FNIP2: variants seen among roughly 807,000 people sequenced by gnomAD.
FNIP2 encodes the protein folliculin interacting protein 2.
In FNIP2, 32 loss-of-function variants were observed where a neutral mutation model predicts 108.7. The ratio of observed to expected loss-of-function variants is 0.29; its 90% CI spans 0.22 to 0.40. The LOEUF (loss-of-function observed/expected upper bound fraction) is 0.40. Among genes scored for constraint, FNIP2 ranks in the 10% least tolerant of loss-of-function variants. The probability of loss-of-function intolerance (pLI) is 1.00; values close to 1 mark genes in which losing one functional copy is unlikely to be tolerated. For missense variants in FNIP2, 1,202 were observed against 1,381.6 expected (o/e 0.87, Z 2.06); for synonymous variants, 480 against 496.7 (o/e 0.97, Z 0.45).
chr4:158,872,139 G>T (rs1253771422), intron 14 of FNIP2: 2 of 985,196 alleles, frequency 2.0e-6, no homozygotes, highest in Non-Finnish European at 2.4e-6. Flanking sequence ...TAATGGGATT[G>T]TCCTCAGTGA....
chr4:158,868,636 G>T lies in FNIP2; in HGVS notation c.2000G>T (p.Ser667Ile). The change falls in exon 13 of 17, where the codon AGC becomes ATC. Residue 667 changes from serine to isoleucine, a missense_variant. Ser to Ile is a moderately radical substitution (Grantham distance 142). Around this residue, in one of 5 missense-constraint regions of FNIP2, gnomAD observed 878 missense variants for 990.3 expected, o/e 0.89. Coordinates refer to ENST00000264433, the MANE Select transcript of FNIP2 (RefSeq NM_020840.3). This position sits in a 1 kb window ranked among gnomAD's most constrained non-coding sequence, Gnocchi z 4.6. ...CAAGATGGCTCTTCAAGACTTCCCA[G>T]CTGTGAAGTTTTGGGGGCAGGAATG... is the stretch of plus-strand genomic sequence containing the variant. ...APQDGSSRLP[S>I]CEVLGAGMKM... 6.2e-7 allele frequency: 1 copy of T among 1,614,032 alleles called. No homozygotes were observed. Among genetic ancestry groups the T allele is most frequent in the East Asian group, 2.2e-5 (1 of 44,880 alleles).
At chr4:158,827,950 C>A (rs1379683732) in intron 2 of FNIP2, among the ~76,000 whole-genome samples, 2 of 151,542 alleles carry the variant, frequency 1.3e-5, no homozygotes. Flanking sequence ...GCTGCAATTG[C>A]ATTCATGTTT....
chr4:158,855,725 C>T (rs778374239), intron 8 of FNIP2, among the ~76,000 whole-genome samples: 24 of 152,200 alleles, frequency 1.6e-4, no homozygotes, highest in Admixed American at 3.3e-4. Context: ...GGATTACAGG[C>T]GTGAGCCACT....
intron 7 of FNIP2, among the ~76,000 whole-genome samples, chr4:158,846,976 G>A (rs1779440601): frequency 1.3e-5 from 2 of 152,152 alleles, no homozygotes; most frequent in Admixed American, 6.5e-5. Context: ...CTGTGCACTT[G>A]GGGAGAAACT....
intron 2 of FNIP2, among the ~76,000 whole-genome samples, chr4:158,828,403 C>G (rs1289284065): frequency 6.6e-6 from 1 of 152,136 alleles, no homozygotes; most frequent in Non-Finnish European, 1.5e-5. Context: ...ATCACGAGGT[C>G]AAGAGATCAA....
chr4:158,769,125 T>C lies in FNIP2; in HGVS notation c.-88T>C, dbSNP rs1271099449. 2.2e-6 allele frequency: 1 copy of C among 451,236 alleles called. No individual in the cohort carries two copies. The highest frequency in any genetic ancestry group is 2.9e-6 in the Non-Finnish European group (1 of 344,540). The allele number at this position is 451,236 out of a possible 1,614,324, so 28.0% of individuals were successfully genotyped here. A position where few individuals can be genotyped will look rare whatever the true frequency, so the allele number is the denominator to read the frequency against. ...AGGCTGGGCGGCCGCGCCGCCGCGA[T>C]GGCCCCGCCACCGCGGCCGCCGCCC... On this transcript the variant is annotated 5_prime_UTR_variant, in exon 1 of 17. An upstream start codon of the reference 5' UTR is lost. Coordinates refer to ENST00000264433, the MANE Select transcript of FNIP2 (RefSeq NM_020840.3).
chr4:158,885,404 C>A (rs1431117163), intron 14 of FNIP2, among the ~76,000 whole-genome samples: 3 of 152,114 alleles, frequency 2.0e-5, no homozygotes, highest in Admixed American at 6.5e-5. Context: ...ACAGTTTTAA[C>A]TTAATGGTTT....
At chr4:158,791,724 G>A (rs958786204) in intron 1 of FNIP2, among the ~76,000 whole-genome samples, 1 of 152,108 alleles carries the variant, frequency 6.6e-6, no homozygotes, top group Non-Finnish European at 1.5e-5. Context: ...CTGCCCAGAC[G>A]GTCTGATAAG....
intron 1 of FNIP2, among the ~76,000 whole-genome samples, chr4:158,782,244 A>C (rs1776074825): frequency 6.6e-6 from 1 of 152,190 alleles, no homozygotes; most frequent in South Asian, 2.1e-4. Flanking sequence ...CCTAACTTAA[A>C]TTTTGGTGCT....
chr4:158,889,642 G>A (rs1209091677), intron 14 of FNIP2, among the ~76,000 whole-genome samples: 4 of 152,180 alleles, frequency 2.6e-5, no homozygotes, highest in East Asian at 3.8e-4. Context: ...ACAGGCATAC[G>A]TTCAACTCAT....
At chr4:158,876,582 T>C (rs1781294759) in intron 14 of FNIP2, among the ~76,000 whole-genome samples, 1 of 152,252 alleles carries the variant, frequency 6.6e-6, no homozygotes, top group African/African-American at 2.4e-5. Flanking sequence ...TCAAAATCAT[T>C]CCAGGCCCCA....
Position 158,905,759 on chromosome 4 carries a change from G to T in FNIP2, c.*1215G>T, listed in dbSNP as rs1729783641. ...AAAGAAACTTCAGTTTACTGACCGT[G>T]AAACAGACTATGTACTGACATCCAG... On this transcript the variant is annotated 3_prime_UTR_variant, in exon 17 of 17. Transcript: ENST00000264433. The T allele has an allele frequency of 6.6e-6, 1 of 150,816 alleles. No individual in the cohort carries two copies. Among genetic ancestry groups the T allele is most frequent in the South Asian group, 2.1e-4 (1 of 4,798 alleles). The allele number at this position is 150,816 out of a possible 1,614,324, so 9.3% of individuals were successfully genotyped here. A position where few individuals can be genotyped will look rare whatever the true frequency, so the allele number is the denominator to read the frequency against.
At position 158,833,589 on chromosome 4, in the gene FNIP2, C is replaced by A; in HGVS notation, c.616C>A (p.Gln206Lys). Residue 206 changes from glutamine to lysine, a missense_variant, in exon 6 of 17, where the codon CAA becomes AAA. Gln to Lys is a moderately conservative substitution (Grantham distance 53). Coordinates refer to ENST00000264433, the MANE Select transcript of FNIP2 (RefSeq NM_020840.3). ...DPNLGKLNTN[Q>K]NSLGPCRTGS... ...TAATTTGGGAAAACTGAACACAAAT[C>A]AAAATAGTTTGGGTCCTTGTCGTAC... 1 of 1,611,162 alleles carries A rather than the reference C, an allele frequency of 6.2e-7. No homozygotes were observed. Among genetic ancestry groups the A allele is most frequent in the Non-Finnish European group, 8.5e-7 (1 of 1,179,170 alleles).
intron 1 of FNIP2, among the ~76,000 whole-genome samples, chr4:158,777,471 T>G (rs570620678): frequency 6.6e-6 from 1 of 152,260 alleles, no homozygotes; most frequent in Non-Finnish European, 1.5e-5. Context: ...GAATCTGACA[T>G]GTTCTTTAAA....
At chr4:158,816,996 G>A (rs996106556) in intron 1 of FNIP2, among the ~76,000 whole-genome samples, 1 of 151,986 alleles carries the variant, frequency 6.6e-6, no homozygotes, top group African/African-American at 2.4e-5. Context: ...TTCTATGGGG[G>A]TTTTTTGTTT....
At chr4:158,790,826 T>C (rs894243568) in intron 1 of FNIP2, among the ~76,000 whole-genome samples, 4 of 152,140 alleles carry the variant, frequency 2.6e-5, no homozygotes, top group African/African-American at 7.2e-5. Context: ...AGCTTAGTAG[T>C]ATATACCTTT....
intron 1 of FNIP2, among the ~76,000 whole-genome samples, chr4:158,775,237 A>G (rs1229052096): frequency 6.6e-6 from 1 of 152,118 alleles, no homozygotes; most frequent in Non-Finnish European, 1.5e-5. Context: ...GTGAAAAGGA[A>G]CAAATGTTTT....
chr4:158,813,862 T>G (rs1032933463), intron 1 of FNIP2, among the ~76,000 whole-genome samples: 1 of 152,240 alleles, frequency 6.6e-6, no homozygotes, highest in Non-Finnish European at 1.5e-5. Flanking sequence ...GTGAAGGATG[T>G]AAGGTCTGTG....
Position 158,905,392 on chromosome 4 carries a change from C to T in FNIP2, c.*848C>T, listed in dbSNP as rs1458148426. 6.6e-6 allele frequency: 1 copy of T among 152,160 alleles called. No individual in the cohort carries two copies. The highest frequency in any genetic ancestry group is 1.5e-5 in the Non-Finnish European group (1 of 68,026). The allele number at this position is 152,160 out of a possible 1,614,324, so 9.4% of individuals were successfully genotyped here. ...CACTTACCAAAGTTATTTCTATAAG[C>T]TCAAGAGTGTTTCGGTTGGTAAGTT... On this transcript the variant is annotated 3_prime_UTR_variant, in exon 17 of 17. Transcript: ENST00000264433.
Sources: allele counts gnomAD v4.1 joint callset (sites outside exome capture counted in the v4.1 genomes callset), GRCh38; gene constraint gnomAD v4.1.1; regional missense constraint gnomAD v4.1.1; non-coding constraint Gnocchi (gnomAD v3.1); transcripts MANE v1.5; gene names NCBI Gene and HGNC (gene_info 2026-07-23, HGNC 2026-07-21).